The following USP10 variants were observed in gnomAD, a reference collection of about 807,000 sequenced individuals.
The protein encoded by USP10 is ubiquitin specific peptidase 10, also known as ubiquitin carboxyl-terminal hydrolase 10.
In USP10, 22 loss-of-function variants were observed where a neutral mutation model predicts 84.5. That is an observed-to-expected ratio of 0.26 (90% CI 0.19 to 0.37). The LOEUF is 0.37. Among genes scored for constraint, USP10 ranks in the 10% least tolerant of loss-of-function variants. The pLI, the probability that USP10 is intolerant of heterozygous loss-of-function variation, is 1.00. For missense variants in USP10, 1,019 were observed against 998.9 expected, an observed-to-expected ratio of 1.02 and a Z score of -0.27; for synonymous variants, 454 against 387.6, an observed-to-expected ratio of 1.17 and a Z score of -2.01.
chr16:84,730,936 T>A (rs1909131240), intron 1 of USP10, among the ~76,000 whole-genome samples: 1 of 151,146 alleles, frequency 6.6e-6, no homozygotes, highest in Non-Finnish European at 1.5e-5. Context: ...TTGTTAGTCA[T>A]AAGATAAAAT....
intron 1 of USP10, among the ~76,000 whole-genome samples, chr16:84,719,268 A>G (rs779974997): frequency 6.6e-5 from 10 of 152,206 alleles, no homozygotes; most frequent in Non-Finnish European, 1.3e-4. Flanking sequence ...ACTGGGAGGC[A>G]TAACTGAATG....
At chr16:84,746,168 A>AAC (rs1256622886) in intron 4 of USP10, among the ~76,000 whole-genome samples, 1 of 152,198 alleles carries the variant, frequency 6.6e-6, no homozygotes, top group Non-Finnish European at 1.5e-5. Flanking sequence ...TTGAAGAGAA[A>AAC]AAAAATGTTA....
chr16:84,745,020 A>T lies in USP10; in HGVS notation c.539A>T (p.His180Leu). ...SISTEALVNG[H>L]ANSAVPNSVS... is the part of the protein sequence containing the mutation. The stretch of plus-strand genomic sequence containing the variant: ...TCCACAGAAGCCCTGGTCAATGGCC[A>T]TGCCAATTCAGCAGTCCCGAACAGT... Residue 180 changes from histidine to leucine, a missense_variant, in exon 4 of 14, where the codon CAT becomes CTT. Coordinates refer to ENST00000219473, the MANE Select transcript of USP10 (RefSeq NM_005153.3). 4.3e-6 allele frequency: 7 copies of T among 1,613,870 alleles called. No individual in the cohort carries two copies. The highest frequency in any genetic ancestry group is 5.9e-6 in the Non-Finnish European group (7 of 1,179,736).
At chr16:84,704,115 T>A (rs117919441) in intron 1 of USP10, among the ~76,000 whole-genome samples, 4 of 152,348 alleles carry the variant, frequency 2.6e-5, no homozygotes, top group Non-Finnish European at 5.9e-5. Context: ...AGAAAAGTGG[T>A]ATCATCTCCA....
intron 12 of USP10, among the ~76,000 whole-genome samples, chr16:84,774,837 GTT>G (rs907685259): frequency 6.6e-6 from 1 of 152,148 alleles, no homozygotes; most frequent in Non-Finnish European, 1.5e-5. Context: ...TTTCACAACT[GTT>G]TTTGTTTTTA....
chr16:84,752,660 T>C (rs1912069235), intron 4 of USP10, among the ~76,000 whole-genome samples: 1 of 152,222 alleles, frequency 6.6e-6, no homozygotes, highest in Non-Finnish European at 1.5e-5. Flanking sequence ...AACAATAGGA[T>C]TCATTCACTT....
At chr16:84,715,115 A>G (rs1906843150) in intron 1 of USP10, among the ~76,000 whole-genome samples, 1 of 152,064 alleles carries the variant, frequency 6.6e-6, no homozygotes, top group South Asian at 2.1e-4. Context: ...TTTTTAGTAG[A>G]GATGGGGTTT....
In USP10 at chr16:84,762,852, C is replaced by T. The variant is rs1913369200; in HGVS notation, c.1555-137C>T. On this transcript the variant is annotated intron_variant, in intron 8 of 13. Coordinates refer to ENST00000219473, the MANE Select transcript of USP10 (RefSeq NM_005153.3). The stretch of plus-strand genomic sequence containing the variant: ...TCAGCTATGCAAGGGAAACCCATGT[C>T]ATCATGTCATTGTTTGGAAATACTT... 3 of 531,482 alleles carry T rather than the reference C, an allele frequency of 5.6e-6. No individual in the cohort carries two copies. The East Asian group carries it at 8.3e-5, about 15-fold the overall frequency. 32.9% of individuals were successfully genotyped at this position (531,482 alleles called of 1,614,324 possible).
chr16:84,704,713 A>G, intron 1 of USP10: 2 of 1,493,758 alleles, frequency 1.3e-6, no homozygotes, highest in South Asian at 1.3e-5. Flanking sequence ...TTTTTTCTGA[A>G]CTGGCTATTT....
intron 3 of USP10, among the ~76,000 whole-genome samples, chr16:84,743,066 G>C (rs2150818981): frequency 6.6e-6 from 1 of 152,306 alleles, no homozygotes; most frequent in South Asian, 2.1e-4. Flanking sequence ...GGGGAGCCTT[G>C]ACGGCCCCAG....
At chr16:84,735,210 TG>T (rs1279431046) in intron 2 of USP10, among the ~76,000 whole-genome samples, 2 of 62,572 alleles carry the variant, frequency 3.2e-5, no homozygotes, top group Non-Finnish European at 5.9e-5. Context: ...TGTGTGTGTG[TG>T]TGTGTGTGTG....
intron 11 of USP10, among the ~76,000 whole-genome samples, chr16:84,769,506 G>T (rs528919815): frequency 6.6e-6 from 1 of 152,194 alleles, no homozygotes; most frequent in African/African-American, 2.4e-5. Context: ...AGAGTCTGGC[G>T]GTGGACCTCG....
intron 11 of USP10, among the ~76,000 whole-genome samples, chr16:84,768,559 A>T (rs970620577): frequency 2.0e-5 from 3 of 152,230 alleles, no homozygotes; most frequent in Admixed American, 6.5e-5. Context: ...GCTCTAAATC[A>T]TATTACACAA....
intron 13 of USP10, among the ~76,000 whole-genome samples, chr16:84,778,286 C>T (rs954639597): frequency 2.6e-5 from 4 of 152,076 alleles, no homozygotes; most frequent in African/African-American, 9.7e-5. Context: ...GATTGTGTCC[C>T]GTGTCTTTAG....
At chr16:84,746,483 C>T (rs1415682809) in intron 4 of USP10, among the ~76,000 whole-genome samples, 1 of 152,164 alleles carries the variant, frequency 6.6e-6, no homozygotes, top group African/African-American at 2.4e-5. Context: ...ACCTGTCCAG[C>T]GTGTTACTAC....
chr16:84,776,293 A>G (rs1220543999), intron 13 of USP10, among the ~76,000 whole-genome samples: 1 of 151,660 alleles, frequency 6.6e-6, no homozygotes, highest in Non-Finnish European at 1.5e-5. Context: ...ATGGGGGCCC[A>G]GGGGTGAGGG....
At chr16:84,778,869 C>CT in intron 13 of USP10, 26 bp from the exon 14 acceptor site, 1 of 1,603,746 alleles carries the variant, frequency 6.2e-7, no homozygotes, top group South Asian at 1.1e-5. Context: ...TGTTCTCACT[C>CT]TGCTGCCTGC....
intron 1 of USP10, among the ~76,000 whole-genome samples, chr16:84,724,024 A>T (rs1260951320): frequency 6.6e-6 from 1 of 152,212 alleles, no homozygotes; most frequent in Admixed American, 6.5e-5. Context: ...TGGAATCTTG[A>T]ACTTCTACTA....
chr16:84,739,784 A>G (rs1910408268), intron 2 of USP10, among the ~76,000 whole-genome samples: 1 of 152,218 alleles, frequency 6.6e-6, no homozygotes, highest in African/African-American at 2.4e-5. Flanking sequence ...TAATTAAGGC[A>G]CTGTGTTAAA....
Sources: gnomAD v4.1 joint callset for allele counts (sites outside exome capture counted in the v4.1 genomes callset) on GRCh38, gnomAD v4.1.1 for gene constraint, MANE v1.5 for transcripts, NCBI Gene and HGNC (gene_info 2026-07-23, HGNC 2026-07-21) for gene names.